ALG13: variants seen among roughly 807,000 people sequenced by gnomAD.
ALG13 encodes UDP-N-acetylglucosamine transferase subunit ALG13.
A neutral mutation model predicts 87.8 loss-of-function variants in ALG13; 11 were observed. That is an observed-to-expected ratio of 0.13 (90% CI 0.08 to 0.21). The LOEUF is 0.21. ALG13 is among the 10% of genes least tolerant of loss of function. The pLI is 1.00. For missense variants in ALG13, 756 were observed against 866.1 expected (o/e 0.87, Z 1.60); for synonymous variants, 320 against 306.3 (o/e 1.04, Z -0.47).
rs779429568 is a variant in ALG13 at position 111,721,571 on chromosome X, G to A, written c.1327-32G>A. On this transcript the variant is annotated intron_variant, in intron 11 of 26. Transcript: ENST00000394780. ...CTTCATAGAAGGAAGACTAAGGATTGTGAGTTTGTAGCATGATTATTTTTG... is the reference window on the plus strand; with the variant it reads ...CTTCATAGAAGGAAGACTAAGGATTATGAGTTTGTAGCATGATTATTTTTG... 52 of 875,011 alleles carry A rather than the reference G, an allele frequency of 5.9e-5. No homozygotes were observed. The South Asian group carries it at 1.1e-3, about 18-fold the overall frequency. 72.1% of individuals were successfully genotyped at this position (875,011 alleles called of 1,213,427 possible). A position where few individuals can be genotyped will look rare whatever the true frequency, so the allele number is the denominator to read the frequency against.
intron 6 of ALG13, among the ~76,000 whole-genome samples, 196 bp from the exon 7 acceptor site, chrX:111,712,288 T>A (rs1161508865): frequency 3.6e-5 from 4 of 111,624 alleles, no homozygotes; most frequent in African/African-American, 1.3e-4. Flanking sequence ...AAGTAGGGCT[T>A]TAGATCCTTC....
chrX:111,717,541 CTTTTT>C (rs773345817), intron 8 of ALG13, among the ~76,000 whole-genome samples: 1 of 81,266 alleles, frequency 1.2e-5, no homozygotes, highest in Non-Finnish European at 2.4e-5. Context: ...CTAAGTGTTC[CTTTTT>C]TTTTTTTTTT....
intron 2 of ALG13, among the ~76,000 whole-genome samples, chrX:111,683,326 A>ATTTT (rs763991466): frequency 1.6e-5 from 1 of 63,567 alleles, no homozygotes; most frequent in Non-Finnish European, 3.1e-5. Context: ...CTTTCTTTCT[A>ATTTT]TTTTTTTTTT....
chrX:111,734,456 G>T (rs1943037564), intron 21 of ALG13: 1 of 111,913 alleles, frequency 8.9e-6, no homozygotes, highest in Non-Finnish European at 1.9e-5. Flanking sequence ...TTTGTTGTTT[G>T]CTGTGATTAC....
In ALG13 at chrX:111,757,671, T is replaced by C; in HGVS notation, c.3057T>C (p.Tyr1019=). The C allele has an allele frequency of 8.3e-7, 1 of 1,209,435 alleles. No homozygotes were observed. Among genetic ancestry groups the C allele is most frequent in the Non-Finnish European group, 1.1e-6 (1 of 893,821 alleles). The change falls in exon 26 of 27, where the codon TAT becomes TAC. Residue 1019 remains tyrosine, a synonymous_variant. Coordinates refer to ENST00000394780, the MANE Select transcript of ALG13 (RefSeq NM_001099922.3). ...TTCATGTAGAGAATTATCCAGTCTA[T>C]ACTGAGCCACCTCTGGTAGATCAAA... ...QQLHVENYPV[Y]TEPPLVDQTV...
intron 23 of ALG13, 57 bp from the exon 24 acceptor site, chrX:111,744,611 C>G: frequency 9.0e-7 from 1 of 1,108,447 alleles, no homozygotes; most frequent in Non-Finnish European, 1.2e-6. Context: ...GATGAGCCTA[C>G]TGTTCATAAG....
At chrX:111,731,960 C>G (rs754498194) in intron 21 of ALG13, among the ~76,000 whole-genome samples, 7 of 111,578 alleles carry the variant, frequency 6.3e-5, no homozygotes, top group African/African-American at 2.3e-4. Flanking sequence ...TTAATACACT[C>G]GGGTTTTAAC....
chrX:111,751,289 G>A (rs1360741175), intron 24 of ALG13, among the ~76,000 whole-genome samples: 2 of 109,963 alleles, frequency 1.8e-5, no homozygotes, highest in Non-Finnish European at 3.8e-5. Context: ...GAATGGTCTC[G>A]ATCTCCTGAC....
At chrX:111,688,472 A>G (rs973094759) in intron 3 of ALG13, 1 of 751,951 alleles carries the variant, frequency 1.3e-6, no homozygotes, top group African/African-American at 2.3e-5. Flanking sequence ...GAAAAGTTCA[A>G]TCATTGCCTA....
At chrX:111,753,167 T>G (rs1236376322) in intron 25 of ALG13, 1 of 139,141 alleles carries the variant, frequency 7.2e-6, no homozygotes, top group Admixed American at 8.8e-5. Flanking sequence ...TCCTAAAATA[T>G]TTTTATGACT....
intron 18 of ALG13, 34 bp downstream of exon 18, chrX:111,727,804 T>C (rs1172580646): frequency 2.6e-6 from 3 of 1,135,850 alleles, no homozygotes; most frequent in Admixed American, 3.0e-5. Flanking sequence ...AAAAAGCTGT[T>C]TACTTTTTTC....
At chrX:111,736,645 T>A in intron 22 of ALG13, 69 bp from the exon 23 acceptor site, 1 of 1,021,495 alleles carries the variant, frequency 9.8e-7, no homozygotes. Flanking sequence ...TTTCTGAAGT[T>A]TAGGATCAGA....
Position 111,760,536 on chromosome X carries a change from C to T in ALG13, c.*537C>T, listed in dbSNP as rs561132177. The T allele has an allele frequency of 1.8e-5, 2 of 114,155 alleles. No individual in the cohort carries two copies. The highest frequency in any genetic ancestry group is 6.5e-5 in the African/African-American group (2 of 30,996). 9.4% of individuals were successfully genotyped at this position (114,155 alleles called of 1,213,427 possible). ...CATGGTTCTCTGCTTTAGATTTATC[C>T]CATATGCTATTGTTTAATACTGGAT... On this transcript the variant is annotated 3_prime_UTR_variant, in exon 27 of 27. Transcript: ENST00000394780.
intron 6 of ALG13, 64 bp downstream of exon 6, chrX:111,711,789 C>T: frequency 1.9e-6 from 2 of 1,047,880 alleles, no homozygotes; most frequent in Non-Finnish European, 2.6e-6. Context: ...TAAATTTATT[C>T]ATTCAACTGT....
intron 3 of ALG13, chrX:111,689,769 A>G (rs1424739508): frequency 1.3e-6 from 1 of 747,063 alleles, no homozygotes; most frequent in Non-Finnish European, 1.6e-6. Flanking sequence ...TGCTCTTTCT[A>G]CCCTGCATAA....
intron 21 of ALG13, among the ~76,000 whole-genome samples, chrX:111,733,559 G>C (rs954815653): frequency 4.5e-5 from 5 of 111,565 alleles, no homozygotes; most frequent in African/African-American, 1.6e-4. Context: ...ATTTGGGCTG[G>C]TTCCATATTC....
At chrX:111,713,674 T>C (rs1940147469) in intron 8 of ALG13, among the ~76,000 whole-genome samples, 1 of 112,334 alleles carries the variant, frequency 8.9e-6, no homozygotes, top group Non-Finnish European at 1.9e-5. Context: ...TTTGTGTCTT[T>C]GTATTTGAAA....
At chrX:111,733,478 A>G (rs1320634166) in intron 21 of ALG13, among the ~76,000 whole-genome samples, 1 of 111,671 alleles carries the variant, frequency 9.0e-6, no homozygotes, top group Non-Finnish European at 1.9e-5. Context: ...GTTTCTTTGT[A>G]TGGCTGAGTA....
chrX:111,697,600 A>G (rs1937145342), intron 3 of ALG13, among the ~76,000 whole-genome samples: 1 of 112,121 alleles, frequency 8.9e-6, no homozygotes, highest in Admixed American at 9.5e-5. Flanking sequence ...CGATATTTCA[A>G]AGGACAGTAT....
Sources: gnomAD v4.1 joint callset for allele counts (sites outside exome capture counted in the v4.1 genomes callset) on GRCh38, gnomAD v4.1.1 for gene constraint, MANE v1.5 for transcripts, NCBI Gene and HGNC (gene_info 2026-07-23, HGNC 2026-07-21) for gene names.